The following INPP1 variants were observed in gnomAD, a reference collection of about 807,000 sequenced individuals.
INPP1 encodes inositol polyphosphate 1-phosphatase.
Under a neutral mutation model 23.0 loss-of-function variants are expected in INPP1, and 18 were observed. That is an observed-to-expected ratio of 0.78 (90% CI 0.54 to 1.16). The LOEUF (loss-of-function observed/expected upper bound fraction) is 1.16, where lower values mean the gene tolerates loss of function less well. Among genes scored for constraint, INPP1 ranks in the 50% most tolerant of loss-of-function variants. The pLI, the probability that INPP1 is intolerant of heterozygous loss-of-function variation, is 0.00. For synonymous variants in INPP1, 164 were observed against 176.3 expected, an observed-to-expected ratio of 0.93 and a Z score of 0.55; for missense variants, 448 against 482.1, an observed-to-expected ratio of 0.93 and a Z score of 0.66.
At chr2:190,365,993 C>G (rs1016779149) in intron 4 of INPP1, among the ~76,000 whole-genome samples, 56 of 24,036 alleles carry the variant, frequency 2.3e-3, no homozygotes, top group East Asian at 0.02. Flanking sequence ...GTCTCGCTCT[C>G]TCTCGCTCTC....
intron 1 of INPP1, among the ~76,000 whole-genome samples, chr2:190,347,275 T>A (rs934666710): frequency 1.3e-5 from 2 of 152,060 alleles, no homozygotes; most frequent in Non-Finnish European, 1.5e-5. Flanking sequence ...CCTCCCAAAG[T>A]GCTGGGATTA....
At chr2:190,362,779 C>A in intron 4 of INPP1, 92 bp downstream of exon 4, 1 of 742,254 alleles carries the variant, frequency 1.3e-6, no homozygotes, top group Non-Finnish European at 2.2e-6. Context: ...TGTTTGGAAG[C>A]CACTTACTGT....
intron 1 of INPP1, among the ~76,000 whole-genome samples, chr2:190,348,263 A>T (rs2736621): frequency 0.57 from 87,011 of 152,126 alleles, 27,591 homozygotes; most frequent in South Asian, 0.73. Context: ...TTTTTTAAAA[A>T]TATAAGTCAA....
At chr2:190,353,581 T>C (rs1689363166) in intron 2 of INPP1, among the ~76,000 whole-genome samples, 1 of 152,256 alleles carries the variant, frequency 6.6e-6, no homozygotes, top group Non-Finnish European at 1.5e-5. Context: ...AGCTCTGTGC[T>C]CTGTGATATT....
chr2:190,369,512 A>G (rs1398830951), intron 6 of INPP1, among the ~76,000 whole-genome samples: 1 of 152,236 alleles, frequency 6.6e-6, no homozygotes, highest in African/African-American at 2.4e-5. Context: ...TCCTGTAGAA[A>G]TCATAGTTTT....
chr2:190,360,381 T>G, intron 3 of INPP1, 75 bp downstream of exon 3: 1 of 1,303,040 alleles, frequency 7.7e-7, no homozygotes. Context: ...ATAGCATGCC[T>G]TTTGCTCCTC....
intron 3 of INPP1, among the ~76,000 whole-genome samples, 165 bp downstream of exon 3, chr2:190,360,471 A>G (rs2067405): frequency 0.41 from 62,469 of 151,930 alleles, 14,858 homozygotes; most frequent in African/African-American, 0.66. Context: ...TACAGTATTG[A>G]TAAAATGTTC....
chr2:190,369,712 G>T (rs1199407772), intron 6 of INPP1, among the ~76,000 whole-genome samples: 1 of 152,178 alleles, frequency 6.6e-6, no homozygotes, highest in Non-Finnish European at 1.5e-5. Context: ...TGAAAAGATT[G>T]GTAGGCATGG....
chr2:190,361,298 T>C (rs1237690830), intron 3 of INPP1, among the ~76,000 whole-genome samples: 1 of 152,204 alleles, frequency 6.6e-6, no homozygotes, highest in Non-Finnish European at 1.5e-5. Context: ...TTTGGGAGAA[T>C]AGAACTTTAT....
At chr2:190,365,918 T>C (rs2124939709) in intron 4 of INPP1, among the ~76,000 whole-genome samples, 1 of 133,648 alleles carries the variant, frequency 7.5e-6, no homozygotes, top group East Asian at 2.3e-4. Context: ...GCTCTCTTGC[T>C]CTGTCTCACT....
chr2:190,357,885 CCTTTT>C (rs1245127998), intron 2 of INPP1, among the ~76,000 whole-genome samples: 2 of 152,036 alleles, frequency 1.3e-5, no homozygotes, highest in African/African-American at 4.8e-5. Flanking sequence ...GCTTGTATGC[CCTTTT>C]CTTTTATTAC....
In INPP1 at chr2:190,363,184, T is replaced by G. The variant is rs1689567790; in HGVS notation, c.265+497T>G. Among the ~76,000 whole-genome samples the G allele has an allele frequency of 6.6e-6, 1 of 152,218 alleles. No individual in the cohort carries two copies. The highest frequency in any genetic ancestry group is 1.5e-5 in the Non-Finnish European group (1 of 68,028). Reference sequence around the variant, plus strand: ...TCATTTCTCTAAGTCTCAGAACCTCTGTGAAGTACTTGGATTAACTAAAAG... The same window carrying G: ...TCATTTCTCTAAGTCTCAGAACCTCGGTGAAGTACTTGGATTAACTAAAAG... On this transcript the variant is annotated intron_variant, in intron 4 of 6. Transcript: ENST00000392329. The surrounding 1 kb of genome is among the most constrained non-coding windows in gnomAD (Gnocchi z 4.4).
chr2:190,370,555 G>A (rs893256017), intron 6 of INPP1, among the ~76,000 whole-genome samples: 17 of 152,224 alleles, frequency 1.1e-4, no homozygotes, highest in Admixed American at 1.0e-3. Context: ...TTTTGCAATG[G>A]TTCTGGAAGC....
intron 2 of INPP1, among the ~76,000 whole-genome samples, chr2:190,350,451 T>C (rs1432564980): frequency 2.0e-5 from 3 of 152,224 alleles, no homozygotes; most frequent in African/African-American, 4.8e-5. Flanking sequence ...AAAGTCTCTA[T>C]TTTTAATGTG....
At chr2:190,359,737 T>A (rs1689498666) in intron 2 of INPP1, 1 of 267,558 alleles carries the variant, frequency 3.7e-6, no homozygotes, top group Non-Finnish European at 7.4e-6. Context: ...GCATTGTGCT[T>A]GTGTGTCCAT....
chr2:190,348,320 C>G (rs1460907798), intron 1 of INPP1, among the ~76,000 whole-genome samples: 1 of 151,940 alleles, frequency 6.6e-6, no homozygotes, highest in African/African-American at 2.4e-5. Context: ...ACATCAAAAG[C>G]TTTTGAAATG....
intron 5 of INPP1, 67 bp downstream of exon 5, chr2:190,366,962 G>GTGT (rs1689692357): frequency 2.0e-6 from 2 of 1,021,886 alleles, no homozygotes; most frequent in Admixed American, 2.0e-5. Flanking sequence ...TTGGGGATGG[G>GTGT]TGTTGGAAAA....
At chr2:190,364,804 A>G (rs1395490392) in intron 4 of INPP1, among the ~76,000 whole-genome samples, 3 of 151,614 alleles carry the variant, frequency 2.0e-5, no homozygotes, top group African/African-American at 7.3e-5. Flanking sequence ...GGGTTTCACT[A>G]TGTTGACCAG....
rs1689417259 is a variant in INPP1, at chr2:190,356,137, G to A, written c.-64-3902G>A. 6.6e-6 allele frequency among the ~76,000 whole-genome samples: 1 copy of A among 152,208 alleles called. No individual in the cohort carries two copies. The highest frequency in any genetic ancestry group is 6.5e-5 in the Admixed American group (1 of 15,286). On this transcript the variant is annotated intron_variant, in intron 2 of 6. Transcript: ENST00000392329. The surrounding 1 kb of genome is among the most constrained non-coding windows in gnomAD (Gnocchi z 6.4). ...TTTGTGGCCTGCCTGTGTGAACTGAGTTGAGGATACATGGAGAGCCAGGGC... is the reference window on the plus strand; with the variant it reads ...TTTGTGGCCTGCCTGTGTGAACTGAATTGAGGATACATGGAGAGCCAGGGC...
Sources: gnomAD v4.1 joint callset for allele counts (sites outside exome capture counted in the v4.1 genomes callset) on GRCh38, gnomAD v4.1.1 for gene constraint, Gnocchi (gnomAD v3.1) non-coding constraint, MANE v1.5 for transcripts, NCBI Gene and HGNC (gene_info 2026-07-23, HGNC 2026-07-21) for gene names.